Variants in HNRNPH1 observed in about 807,000 individuals in gnomAD.
The protein encoded by HNRNPH1 is heterogeneous nuclear ribonucleoprotein H1.
In HNRNPH1, 4 loss-of-function variants were observed where a neutral mutation model predicts 58.6. The observed-to-expected ratio is 0.07, with a 90% CI of 0.03 to 0.16. HNRNPH1 has a LOEUF of 0.16. Among genes scored for constraint, HNRNPH1 ranks in the 10% least tolerant of loss-of-function variants. The pLI, the probability that HNRNPH1 is intolerant of heterozygous loss-of-function variation, is 1.00. For missense variants in HNRNPH1, 271 were observed against 564.2 expected, an observed-to-expected ratio of 0.48 and a Z score of 5.26; for synonymous variants, 192 against 189.2, an observed-to-expected ratio of 1.01 and a Z score of -0.12.
chr5:179,632,753 C>CTT (rs752554745), intron 2 of HNRNPH1, among the ~76,000 whole-genome samples: 15,047 of 91,770 alleles, frequency 0.16, 2,979 homozygotes, highest in Middle Eastern at 0.26. Flanking sequence ...AATCAAATAT[C>CTT]TTTTTTTTTT....
At chr5:179,614,751 T>C in exon 13 of HNRNPH1, 8 of 683,386 alleles carry the variant, frequency 1.2e-5, no homozygotes, top group East Asian at 5.5e-5. Flanking sequence ...CAAGCTTGTA[T>C]TGCAGAAACT....
chr5:179,620,527 T>C (rs759364542), intron 3 of HNRNPH1: 30 of 195,124 alleles, frequency 1.5e-4, no homozygotes, highest in Non-Finnish European at 3.0e-4. Context: ...ACACTTGCCA[T>C]AATTTACAAC....
At chr5:179,621,137 C>T in intron 2 of HNRNPH1, 102 bp from the exon 4 acceptor site, 1 of 1,493,790 alleles carries the variant, frequency 6.7e-7, no homozygotes, top group Non-Finnish European at 9.3e-7. Flanking sequence ...CACAAACTCC[C>T]TTAGATGACC....
upstream of HNRNPH1, among the ~76,000 whole-genome samples, chr5:179,626,962 T>C (rs1774457108): frequency 6.6e-6 from 1 of 151,840 alleles, no homozygotes; most frequent in Non-Finnish European, 1.5e-5. Context: ...CTTGTATTTT[T>C]ACTAGAGACG....
chr5:179,626,646 G>A (rs1774424851), upstream of HNRNPH1, among the ~76,000 whole-genome samples: 1 of 150,786 alleles, frequency 6.6e-6, no homozygotes, highest in Non-Finnish European at 1.5e-5. Flanking sequence ...AACCTGGGAG[G>A]TGGAGGTTGC....
At chr5:179,633,059 A>G (rs1229370126) in intron 2 of HNRNPH1, among the ~76,000 whole-genome samples, 1 of 151,496 alleles carries the variant, frequency 6.6e-6, no homozygotes, top group Non-Finnish European at 1.5e-5. Flanking sequence ...GGGTTTCACC[A>G]TGTTGATCAA....
chr5:179,621,199 T>C, intron 2 of HNRNPH1, 43 bp downstream of exon 3: 3 of 1,588,398 alleles, frequency 1.9e-6, no homozygotes, highest in Non-Finnish European at 2.6e-6. Context: ...ACCTCTATTG[T>C]TTAATGCTTT....
intron 10 of HNRNPH1, 135 bp downstream of exon 11, chr5:179,616,734 A>G: frequency 1.3e-6 from 1 of 747,640 alleles, no homozygotes; most frequent in East Asian, 2.7e-5. Flanking sequence ...AGCCAGATAC[A>G]AAACTCAAAT....
At chr5:179,621,124 T>C in intron 2 of HNRNPH1, 89 bp from the exon 4 acceptor site, 1 of 1,508,524 alleles carries the variant, frequency 6.6e-7, no homozygotes, top group Non-Finnish European at 9.2e-7. Context: ...TAGGAAGAGC[T>C]GCCACAAACT....
At chr5:179,619,443 C>T (rs1321598157) in intron 3 of HNRNPH1, 36 bp from the exon 5 acceptor site, 5 of 1,569,420 alleles carry the variant, frequency 3.2e-6, no homozygotes, top group Middle Eastern at 1.7e-4. Context: ...AGTAGGGGGG[C>T]AATATTAACA....
At chr5:179,623,222 A>C in exon 1 of HNRNPH1, 1 of 936,798 alleles carries the variant, frequency 1.1e-6, no homozygotes, top group East Asian at 3.5e-5. Flanking sequence ...TTCGCCTCCG[A>C]GGCGCGCCCG....
intron 3 of HNRNPH1, chr5:179,619,953 T>G (rs1433060626): frequency 6.6e-6 from 1 of 152,236 alleles, no homozygotes; most frequent in Non-Finnish European, 1.5e-5. Flanking sequence ...ACAGTAGTTA[T>G]GATTCACTTC....
exon 1 of HNRNPH1, chr5:179,623,278 C>G: frequency 3.9e-6 from 2 of 507,696 alleles, no homozygotes; most frequent in Non-Finnish European, 7.4e-6. Context: ...CGGATGCACC[C>G]ACCCCGGCGA....
At chr5:179,631,365 A>T (rs1311116058) in intron 2 of HNRNPH1, among the ~76,000 whole-genome samples, 1 of 152,180 alleles carries the variant, frequency 6.6e-6, no homozygotes, top group Non-Finnish European at 1.5e-5. Context: ...TAATCTCAGT[A>T]CTTTGGGAGG....
chr5:179,629,355 T>C, upstream of HNRNPH1: 1 of 151,336 alleles, frequency 6.6e-6, no homozygotes. Flanking sequence ...TGCAGTGGCA[T>C]GATCTTGGCT....
chr5:179,618,429 AACTG>A (rs577971562), intron 4 of HNRNPH1, 106 bp from the exon 6 acceptor site: 169 of 719,406 alleles, frequency 2.3e-4, no homozygotes, highest in African/African-American at 3.9e-4. Flanking sequence ...ATAGCCATGA[AACTG>A]ACTAATATTT....
upstream of HNRNPH1, among the ~76,000 whole-genome samples, chr5:179,629,596 G>A (rs886552441): frequency 1.2e-4 from 18 of 152,088 alleles, no homozygotes; most frequent in African/African-American, 2.7e-4. Flanking sequence ...GAATTTGTTC[G>A]TAGTAGTACA....
chr5:179,621,294 G>A (rs1325677002), exon 2 of HNRNPH1: 6 of 1,613,784 alleles, frequency 3.7e-6, no homozygotes, highest in African/African-American at 1.3e-5. Flanking sequence ...GGGCCAATTT[G>A]ACTTCATCTT....
In HNRNPH1 at chr5:179,623,135, G is replaced by A; in HGVS notation, c.-2C>T. 1 of 1,601,006 alleles carries A rather than the reference G, an allele frequency of 6.2e-7. No individual in the cohort carries two copies. Among genetic ancestry groups the A allele is most frequent in the Non-Finnish European group, 8.5e-7 (1 of 1,170,590 alleles). ...TCCACCTTCCGTGCCCAACATCATC[G>A]TCTCTTACGCGGTCCGGCGTCGAAA... On this transcript the variant is annotated 5_prime_UTR_variant, in exon 1 of 13. The change creates a new upstream start codon in the 5' untranslated region. Coordinates refer to ENST00000356731, the Ensembl canonical transcript of HNRNPH1.
Sources: gnomAD v4.1 joint callset for allele counts (sites outside exome capture counted in the v4.1 genomes callset) on GRCh38, gnomAD v4.1.1 for gene constraint, MANE v1.5 for transcripts, NCBI Gene and HGNC (gene_info 2026-07-23, HGNC 2026-07-21) for gene names.